The following COBL variants were observed in gnomAD, a reference collection of about 807,000 sequenced individuals.
The protein encoded by COBL is protein cordon-bleu.
A neutral mutation model predicts 98.8 loss-of-function variants in COBL; 51 were observed. The observed-to-expected ratio is 0.52, with a 90% CI of 0.41 to 0.65. The LOEUF is 0.65. Among genes scored for constraint, COBL ranks in the 30% least tolerant of loss-of-function variants. COBL has a pLI of 0.00. For missense variants in COBL, 1,617 were observed against 1,617.5 expected, an observed-to-expected ratio of 1.00 and a Z score of 0.01; for synonymous variants, 634 against 651.7, an observed-to-expected ratio of 0.97 and a Z score of 0.41.
intron 7 of COBL, among the ~76,000 whole-genome samples, chr7:51,067,675 T>A (rs1792082863): frequency 6.6e-6 from 1 of 152,240 alleles, no homozygotes; most frequent in African/African-American, 2.4e-5. Flanking sequence ...AGACTCTTCT[T>A]GACTCACTTT....
intron 4 of COBL, among the ~76,000 whole-genome samples, chr7:51,189,590 C>T (rs1407976875): frequency 6.6e-6 from 1 of 151,900 alleles, no homozygotes; most frequent in Non-Finnish European, 1.5e-5. Context: ...GCCGATATTG[C>T]ACCATTGCAC....
At chr7:51,034,786 C>T (rs1788471723) in intron 8 of COBL, 1 of 152,206 alleles carries the variant, frequency 6.6e-6, no homozygotes, top group South Asian at 2.1e-4. Flanking sequence ...TCCCGGGCTT[C>T]CTTCCCCCCC....
intron 7 of COBL, among the ~76,000 whole-genome samples, chr7:51,050,130 TAC>T (rs930065542): frequency 2.0e-5 from 3 of 152,214 alleles, no homozygotes; most frequent in South Asian, 4.1e-4. Flanking sequence ...CACTACTATA[TAC>T]ACACACACAC....
intron 6 of COBL, among the ~76,000 whole-genome samples, chr7:51,100,455 C>T (rs760346246): frequency 1.3e-5 from 2 of 152,224 alleles, no homozygotes; most frequent in Admixed American, 6.5e-5. Flanking sequence ...TTGTATCCTA[C>T]TTGGGGACTT....
At chr7:51,141,669 G>T (rs1043842865) in intron 5 of COBL, among the ~76,000 whole-genome samples, 6 of 150,002 alleles carry the variant, frequency 4.0e-5, no homozygotes, top group Non-Finnish European at 8.8e-5. Flanking sequence ...TTAAAGAATC[G>T]AGTGGGAGGG....
intron 6 of COBL, among the ~76,000 whole-genome samples, chr7:51,086,430 T>C (rs1053168717): frequency 1.3e-5 from 2 of 150,556 alleles, no homozygotes; most frequent in African/African-American, 4.9e-5. Flanking sequence ...TCCTGCTCTC[T>C]AGTAGCTCAG....
At chr7:51,276,357 T>C (rs1214623165) in intron 1 of COBL, among the ~76,000 whole-genome samples, 1 of 152,188 alleles carries the variant, frequency 6.6e-6, no homozygotes, top group East Asian at 1.9e-4. Context: ...GGGTTCCTTC[T>C]GGGAAAGGCG....
chr7:51,278,022 C>A (rs746735022), intron 1 of COBL, among the ~76,000 whole-genome samples: 1 of 152,168 alleles, frequency 6.6e-6, no homozygotes, highest in Non-Finnish European at 1.5e-5. Flanking sequence ...AGAGACACAA[C>A]AAATCAACAG....
intron 6 of COBL, among the ~76,000 whole-genome samples, chr7:51,090,070 A>T (rs1031428532): frequency 1.3e-5 from 2 of 152,054 alleles, no homozygotes; most frequent in Admixed American, 1.3e-4. Flanking sequence ...TTATTTTTCG[A>T]GTTTTCAATA....
At chr7:51,298,966 T>G (rs533998444) in intron 1 of COBL, among the ~76,000 whole-genome samples, 109 of 152,270 alleles carry the variant, frequency 7.2e-4, no homozygotes, top group African/African-American at 2.6e-3. Flanking sequence ...ACTCAGACTC[T>G]CCCCAGCACA....
intron 5 of COBL, among the ~76,000 whole-genome samples, chr7:51,142,540 C>T (rs1393292528): frequency 2.0e-5 from 3 of 151,934 alleles, no homozygotes; most frequent in Non-Finnish European, 2.9e-5. Context: ...CGTGCCACCA[C>T]GCCCGGCTAA....
chr7:51,050,651 A>G (rs1050830333), intron 7 of COBL, among the ~76,000 whole-genome samples: 1 of 152,234 alleles, frequency 6.6e-6, no homozygotes, highest in African/African-American at 2.4e-5. Context: ...GATTGGGTAC[A>G]AGTTTTGGAT....
intron 8 of COBL, chr7:51,035,500 T>C (rs1162878514): frequency 6.6e-6 from 1 of 152,198 alleles, no homozygotes; most frequent in Non-Finnish European, 1.5e-5. Context: ...TGGGAAAATA[T>C]GCAGTTGATG....
chr7:51,084,966 C>T (rs143771257), intron 7 of COBL, among the ~76,000 whole-genome samples, 200 bp downstream of exon 7: 1 of 152,348 alleles, frequency 6.6e-6, no homozygotes, highest in East Asian at 1.9e-4. Context: ...TAAATGCTCA[C>T]ATAATGCCCA....
chr7:51,064,993 GGC>G lies in COBL; in HGVS notation c.1096+20171_1096+20172del, dbSNP rs1791755265. The G allele has an allele frequency of 5.0e-6, 3 of 601,970 alleles. No individual in the cohort carries two copies. In the Admixed American group the frequency reaches 8.7e-5, roughly 17 times the overall value. The allele number at this position is 601,970 out of a possible 1,614,324, so 37.3% of individuals were successfully genotyped here. On this transcript the variant is annotated intron_variant, in intron 7 of 12. Coordinates refer to ENST00000265136, the MANE Select transcript of COBL (RefSeq NM_015198.5). ...AGCTGGGAGAAACCAGGGACAATAT[GGC>G]AAGCTTTCAGACAGACAGAATTCAT...
At chr7:51,195,092 G>C (rs180815377) in intron 2 of COBL, among the ~76,000 whole-genome samples, 1 of 152,060 alleles carries the variant, frequency 6.6e-6, no homozygotes, top group Admixed American at 6.6e-5. Flanking sequence ...AATTTTGACT[G>C]TTCCTATGTC....
rs148227621 is a variant in COBL at position 51,131,407 on chromosome 7, C to T, written c.957+4751G>A. On this transcript the variant is annotated intron_variant, in intron 6 of 12. Coordinates refer to ENST00000265136, the MANE Select transcript of COBL (RefSeq NM_015198.5). Reference sequence around the variant, plus strand: ...TAGATAACACAGATTAGTAAACTTCCACAAGTTACTTATTTTTAATCACTT... The same window carrying T: ...TAGATAACACAGATTAGTAAACTTCTACAAGTTACTTATTTTTAATCACTT... Among the ~76,000 whole-genome samples the T allele has an allele frequency of 1.1e-4, 17 of 152,100 alleles. No individual in the cohort carries two copies. In the East Asian group the frequency reaches 3.1e-3, roughly 28 times the overall value.
chr7:51,163,766 T>A (rs1680170250), intron 5 of COBL, among the ~76,000 whole-genome samples: 1 of 152,232 alleles, frequency 6.6e-6, no homozygotes, highest in South Asian at 2.1e-4. Context: ...TGAACATTGC[T>A]TTCATCTCCT....
chr7:51,122,578 G>C (rs1488148910), intron 6 of COBL, among the ~76,000 whole-genome samples: 1 of 152,146 alleles, frequency 6.6e-6, no homozygotes, highest in Non-Finnish European at 1.5e-5. Context: ...ACCTATACTT[G>C]GCTGTTTATT....
Sources: gnomAD v4.1 joint callset for allele counts (sites outside exome capture counted in the v4.1 genomes callset) on GRCh38, gnomAD v4.1.1 for gene constraint, MANE v1.5 for transcripts, NCBI Gene and HGNC (gene_info 2026-07-23, HGNC 2026-07-21) for gene names.